The following PDK3 variants were observed in gnomAD, a reference collection of about 807,000 sequenced individuals.
PDK3 encodes pyruvate dehydrogenase kinase, isozyme 3.
PDK3 carries 12 observed loss-of-function variants against 32.0 expected under a neutral mutation model. The ratio of observed to expected loss-of-function variants is 0.37; its 90% CI spans 0.24 to 0.61. The LOEUF (loss-of-function observed/expected upper bound fraction) is 0.61, where lower values mean the gene tolerates loss of function less well. Ranked by LOEUF, PDK3 falls within the 20% of genes least tolerant of loss-of-function variation. The pLI is 0.65. For missense variants in PDK3, 188 were observed against 316.9 expected, an observed-to-expected ratio of 0.59 and a Z score of 3.09; for synonymous variants, 122 against 116.3, an observed-to-expected ratio of 1.05 and a Z score of -0.31.
chrX:24,477,270 GTGCTTTTTCCTC>G (rs1485270871), intron 1 of PDK3, among the ~76,000 whole-genome samples: 1 of 111,774 alleles, frequency 8.9e-6, no homozygotes, highest in East Asian at 2.8e-4. Flanking sequence ...GGAATGAAAA[GTGCTTTTTCCTC>G]TGCTTGGGTT....
intron 6 of PDK3, 40 bp downstream of exon 6, chrX:24,519,050 T>G (rs1447343664): frequency 1.1e-6 from 1 of 926,336 alleles, no homozygotes; most frequent in Non-Finnish European, 1.5e-6. Context: ...TCAAAAAAGC[T>G]GACTAAGAAG....
exon 12 of PDK3, chrX:24,550,242 G>C (rs1923073366): frequency 8.9e-6 from 1 of 111,788 alleles, no homozygotes; most frequent in African/African-American, 3.3e-5. Flanking sequence ...CCGTCATGAT[G>C]AAGGATGACT....
At position 24,516,463 on chromosome X, in the gene PDK3, G is replaced by A. The variant is rs766578491; in HGVS notation, c.596-2470G>A. On this transcript the variant is annotated intron_variant, in intron 5 of 10. Transcript: ENST00000379162. ...CCCAGATGTCTACCAGCTGATGAAC[G>A]GATAAAGAAAATATGGTATACTTGT... Among the ~76,000 whole-genome samples, 81 of 111,825 alleles carry A rather than the reference G, an allele frequency of 7.2e-4. No homozygotes were observed. The East Asian group carries it at 7.8e-3, about 11-fold the overall frequency.
chrX:24,549,694 G>A (rs754960463), exon 12 of PDK3: 4 of 111,876 alleles, frequency 3.6e-5, no homozygotes, highest in African/African-American at 1.3e-4. Flanking sequence ...CATTCTGGCT[G>A]ACCCTAATTT....
chrX:24,546,285 A>G (rs1569230363), exon 12 of PDK3: 1 of 111,971 alleles, frequency 8.9e-6, no homozygotes, highest in Non-Finnish European at 1.9e-5. Context: ...AAACCCCATA[A>G]TGATGGCAGT....
chrX:24,523,827 A>C (rs780026672), intron 6 of PDK3, among the ~76,000 whole-genome samples: 1 of 111,717 alleles, frequency 9.0e-6, no homozygotes, highest in African/African-American at 3.3e-5. Context: ...AGAGAGCTCT[A>C]AGTCAGGCTT....
At chrX:24,521,093 A>G (rs987965019) in intron 6 of PDK3, among the ~76,000 whole-genome samples, 2 of 109,838 alleles carry the variant, frequency 1.8e-5, no homozygotes, top group Non-Finnish European at 3.8e-5. Flanking sequence ...AGCCTGGGCA[A>G]GGTAGCAAAA....
In PDK3 at chrX:24,534,129, A is replaced by G. The variant is rs924044900; in HGVS notation, c.*57A>G. On this transcript the variant is annotated 3_prime_UTR_variant, in exon 11 of 11. Coordinates refer to ENST00000379162, the MANE Select transcript of PDK3 (RefSeq NM_005391.5). ...TGATTTGTCTGAATAAAGGTGTCCCACTCACTGTTCCAGGAATTCTTGCAG... is the reference window on the plus strand; with the variant it reads ...TGATTTGTCTGAATAAAGGTGTCCCGCTCACTGTTCCAGGAATTCTTGCAG... 11 of 1,111,418 alleles carry G rather than the reference A, an allele frequency of 9.9e-6. No individual in the cohort carries two copies. The highest frequency in any genetic ancestry group is 1.3e-5 in the Non-Finnish European group (11 of 842,640). The allele number at this position is 1,111,418 out of a possible 1,213,427, so 91.6% of individuals were successfully genotyped here.
rs369307335 is a variant in PDK3 at position 24,540,889 on chromosome X, C to CTTTTTTTT, written c.*1756_*1763dup. On this transcript the variant is annotated 3_prime_UTR_variant, in exon 12 of 12. Transcript: ENST00000568479. Reference sequence around the variant, plus strand: ...CTTTACATGCAAAGACCCTAGCTTCCTTTTTTTTTTTTTTTTTTTTTTTTT... The same window carrying CTTTTTTTT: ...CTTTACATGCAAAGACCCTAGCTTCCTTTTTTTTTTTTTTTTTTTTTTTTTTTTTTTTT... 3.0e-4 allele frequency among the ~76,000 whole-genome samples: 11 copies of CTTTTTTTT among 36,678 alleles called. 3 individuals are homozygous for CTTTTTTTT. Among genetic ancestry groups the CTTTTTTTT allele is most frequent in the Non-Finnish European group, 3.2e-4 (8 of 24,650 alleles). The allele number at this position is 36,678 out of a possible 115,157, so 31.9% of individuals were successfully genotyped here.
chrX:24,494,838 C>T lies in PDK3; in HGVS notation c.203C>T (p.Pro68Leu), dbSNP rs373610926. Residue 68 changes from proline to leucine, a missense_variant, in exon 2 of 11, where the codon CCG becomes CTG. Pro to Leu is a moderately conservative substitution (Grantham distance 98, BLOSUM62 -3). Coordinates refer to ENST00000379162, the MANE Select transcript of PDK3 (RefSeq NM_005391.5). ...ANTMREVNLL[P>L]DNLLNRPSVG... is the part of the protein sequence containing the mutation. ...ACAATGAGAGAAGTTAATCTTCTGC[C>T]GGATAATTTACTTAACCGCCCTTCA... 7.5e-6 allele frequency: 9 copies of T among 1,204,477 alleles called. No individual in the cohort carries two copies. In the African/African-American group the frequency reaches 8.8e-5, roughly 12 times the overall value.
rs747152630 is a variant in PDK3, at chrX:24,495,199, G to A, written c.248+316G>A. Among the ~76,000 whole-genome samples, 7 of 112,025 alleles carry A rather than the reference G, an allele frequency of 6.2e-5. No individual in the cohort carries two copies. The East Asian group carries it at 1.4e-3, about 22-fold the overall frequency. On this transcript the variant is annotated intron_variant, in intron 2 of 10. Transcript: ENST00000379162. ...ATCAAGTCTTAACCTTACTCCTTTC[G>A]TTTTCCTTGTAAAGACATTCCTTGA...
exon 12 of PDK3, among the ~76,000 whole-genome samples, chrX:24,540,393 A>G (rs1922862231): frequency 9.0e-6 from 1 of 111,673 alleles, no homozygotes; most frequent in South Asian, 3.7e-4. Context: ...TTTCAGTCCA[A>G]TTTGTAAGTG....
intron 1 of PDK3, among the ~76,000 whole-genome samples, chrX:24,473,900 G>T (rs1279090460): frequency 8.9e-6 from 1 of 111,912 alleles, no homozygotes; most frequent in Non-Finnish European, 1.9e-5. Flanking sequence ...CCCTTAAGCA[G>T]TTGTGATAAA....
downstream of PDK3, chrX:24,539,351 A>T (rs1922842907): frequency 4.9e-6 from 2 of 411,180 alleles, no homozygotes; most frequent in Non-Finnish European, 8.5e-6. Flanking sequence ...CAGATCTTCC[A>T]CTAAAGTAGT....
chrX:24,483,148 A>G (rs1221753529), intron 1 of PDK3, among the ~76,000 whole-genome samples: 1 of 112,518 alleles, frequency 8.9e-6, no homozygotes, highest in Non-Finnish European at 1.9e-5. Flanking sequence ...CAAGAAACAT[A>G]GCACTTTCAG....
Position 24,500,961 on chromosome X carries a change from C to T in PDK3, c.320+2061C>T, listed in dbSNP as rs138135401. The stretch of plus-strand genomic sequence containing the variant: ...TATTTAACTTACAAATACATTGCAA[C>T]GAGTATTACATAAAGGACAAATTGT... On this transcript the variant is annotated intron_variant, in intron 3 of 10. Coordinates refer to ENST00000379162, the MANE Select transcript of PDK3 (RefSeq NM_005391.5). 5.0e-3 allele frequency among the ~76,000 whole-genome samples: 558 copies of T among 111,466 alleles called. 4 individuals carry two copies. The highest frequency in any genetic ancestry group is 0.017 in the African/African-American group (525 of 30,677).
At chrX:24,540,964 C>T (rs774024110) in exon 12 of PDK3, among the ~76,000 whole-genome samples, 1 of 79,404 alleles carries the variant, frequency 1.3e-5, no homozygotes, top group South Asian at 8.7e-4. Flanking sequence ...GGCTGGAGTG[C>T]AGTGGCACCA....
chrX:24,469,762 G>A (rs1002016507), intron 1 of PDK3, among the ~76,000 whole-genome samples: 5 of 111,652 alleles, frequency 4.5e-5, no homozygotes, highest in Admixed American at 9.5e-5. Flanking sequence ...CTGCACTCCA[G>A]CCTGGGGGAT....
At chrX:24,504,614 C>CT (rs771324472) in intron 4 of PDK3, among the ~76,000 whole-genome samples, 2 of 112,053 alleles carry the variant, frequency 1.8e-5, no homozygotes, top group Non-Finnish European at 3.8e-5. Flanking sequence ...ATGCAGATTG[C>CT]TTTTTTCTTT....
Sources: allele counts gnomAD v4.1 joint callset (sites outside exome capture counted in the v4.1 genomes callset), GRCh38; gene constraint gnomAD v4.1.1; transcripts MANE v1.5; gene names NCBI Gene and HGNC (gene_info 2026-07-23, HGNC 2026-07-21).